CTNND2: variants seen among roughly 807,000 people sequenced by gnomAD.
CTNND2 encodes the protein catenin delta 2.
Under a neutral mutation model 144.4 loss-of-function variants are expected in CTNND2, and 22 were observed. That is an observed-to-expected ratio of 0.15 (90% CI 0.11 to 0.22). CTNND2 has a LOEUF of 0.22. CTNND2 is among the 10% of genes least tolerant of loss of function. The probability of loss-of-function intolerance (pLI) is 1.00; values close to 1 mark genes in which losing one functional copy is unlikely to be tolerated. For missense variants in CTNND2, 1,353 were observed against 1,618.8 expected (o/e 0.84, Z 2.82); for synonymous variants, 751 against 695.6 (o/e 1.08, Z -1.25).
chr5:11,389,960 T>TG (rs1217696902), intron 6 of CTNND2, among the ~76,000 whole-genome samples: 3 of 152,298 alleles, frequency 2.0e-5, no homozygotes, highest in Non-Finnish European at 2.9e-5. Context: ...GTCTTTAGAC[T>TG]GGGGGGGAGT....
intron 11 of CTNND2, among the ~76,000 whole-genome samples, chr5:11,187,815 A>T (rs992097340): frequency 1.3e-5 from 2 of 152,230 alleles, no homozygotes; most frequent in Non-Finnish European, 2.9e-5. Context: ...CACTTCTCAA[A>T]AGAAGACATT....
At position 11,395,213 on chromosome 5, in the gene CTNND2, T is replaced by C. The variant is rs1043062785; in HGVS notation, c.612+1818A>G. ...AAAATGCTGGCTTATTTGTTGAACG[T>C]TTCTCTGACATTACATTGAAGTCAC... On this transcript the variant is annotated intron_variant, in intron 6 of 21. Coordinates refer to ENST00000304623, the MANE Select transcript of CTNND2 (RefSeq NM_001332.4). 3.9e-5 allele frequency among the ~76,000 whole-genome samples: 6 copies of C among 152,346 alleles called. No homozygotes were observed. The East Asian group carries it at 1.2e-3, about 29-fold the overall frequency.
chr5:11,651,166 T>C (rs1305967170), intron 2 of CTNND2, among the ~76,000 whole-genome samples: 1 of 152,134 alleles, frequency 6.6e-6, no homozygotes, highest in African/African-American at 2.4e-5. Context: ...CTGTGCGACC[T>C]CAGGACACTG....
At chr5:11,000,469 C>T (rs1211365785) in intron 18 of CTNND2, among the ~76,000 whole-genome samples, 1 of 152,046 alleles carries the variant, frequency 6.6e-6, no homozygotes, top group East Asian at 1.9e-4. Context: ...TGCAGTGAGC[C>T]GAGATTGTGC....
chr5:11,631,097 T>G (rs1207084614), intron 2 of CTNND2, among the ~76,000 whole-genome samples: 1 of 152,212 alleles, frequency 6.6e-6, no homozygotes, highest in African/African-American at 2.4e-5. Context: ...CCTTAGGATT[T>G]TCCTTAGTGG....
chr5:11,384,759 G>A lies in CTNND2; in HGVS notation c.1083C>T (p.Pro361=). Residue 361 remains proline (P), a synonymous_variant, in exon 7 of 22, where the codon CCC becomes CCT. Coordinates refer to ENST00000304623, the MANE Select transcript of CTNND2 (RefSeq NM_001332.4). The surrounding 1 kb of genome is among the most constrained non-coding windows in gnomAD (Gnocchi z 5.2). ...CGGACGCGTGGACCAGGCGCTTGGT[G>A]GGCGACAGGGTGGCGTACGTGCCGA... ...STIGTYATLS[P]TKRLVHASEQ... The A allele has an allele frequency of 1.2e-6, 2 of 1,613,006 alleles. No individual in the cohort carries two copies. Among genetic ancestry groups the A allele is most frequent in the African/African-American group, 1.3e-5 (1 of 75,030 alleles).
At chr5:11,009,573 C>T (rs1740841889) in intron 18 of CTNND2, among the ~76,000 whole-genome samples, 4 of 152,214 alleles carry the variant, frequency 2.6e-5, no homozygotes, top group Admixed American at 2.0e-4. Flanking sequence ...TGTAGACTTA[C>T]ATTAAACTTA....
At chr5:11,684,397 C>T (rs1254106333) in intron 2 of CTNND2, among the ~76,000 whole-genome samples, 4 of 151,962 alleles carry the variant, frequency 2.6e-5, no homozygotes, top group African/African-American at 7.2e-5. Flanking sequence ...CCACCGCAGC[C>T]GGCCTACATG....
intron 15 of CTNND2, among the ~76,000 whole-genome samples, chr5:11,095,509 CAT>C (rs767105323): frequency 6.6e-6 from 1 of 152,190 alleles, no homozygotes; most frequent in Admixed American, 6.5e-5. Context: ...TCAAGGAAGA[CAT>C]ATAGACATGG....
At chr5:11,182,627 C>G (rs1308048809) in intron 11 of CTNND2, among the ~76,000 whole-genome samples, 2 of 152,140 alleles carry the variant, frequency 1.3e-5, no homozygotes, top group African/African-American at 4.8e-5. Context: ...AGCCATGTCC[C>G]CCAAGGATTG....
intron 3 of CTNND2, among the ~76,000 whole-genome samples, chr5:11,469,849 T>C (rs1767003642): frequency 6.6e-6 from 1 of 152,116 alleles, no homozygotes; most frequent in Non-Finnish European, 1.5e-5. Context: ...AGGGATTAAG[T>C]GCTATTAATT....
At chr5:11,188,722 A>T (rs1490920127) in intron 11 of CTNND2, among the ~76,000 whole-genome samples, 1 of 152,176 alleles carries the variant, frequency 6.6e-6, no homozygotes, top group Non-Finnish European at 1.5e-5. Context: ...CCCATAAGGA[A>T]GGGGGAGCTA....
Position 11,366,550 on chromosome 5 carries a change from C to T in CTNND2, c.1178-1660G>A, listed in dbSNP as rs535106083. Among the ~76,000 whole-genome samples the T allele has an allele frequency of 1.3e-4, 20 of 152,262 alleles. No homozygotes were observed. In the South Asian group the frequency reaches 4.2e-3, roughly 32 times the overall value. On this transcript the variant is annotated intron_variant, in intron 7 of 21. Coordinates refer to ENST00000304623, the MANE Select transcript of CTNND2 (RefSeq NM_001332.4). ...CATCTGATCTGTCAAATGCCAACATCACTCTGAATATTACCTCAAGCTTAA... is the reference window on the plus strand; with the variant it reads ...CATCTGATCTGTCAAATGCCAACATTACTCTGAATATTACCTCAAGCTTAA...
chr5:11,521,958 G>A (rs28451039), intron 3 of CTNND2, among the ~76,000 whole-genome samples: 1,609 of 152,148 alleles, frequency 0.011, 26 homozygotes, highest in African/African-American at 0.036. Flanking sequence ...GAAGATCATT[G>A]CTGCAACCTA....
intron 2 of CTNND2, among the ~76,000 whole-genome samples, chr5:11,708,722 T>C (rs1476734777): frequency 6.6e-6 from 1 of 152,156 alleles, no homozygotes; most frequent in African/African-American, 2.4e-5. Context: ...CCATGAGCTC[T>C]GTTGCAGTTC....
intron 1 of CTNND2, among the ~76,000 whole-genome samples, chr5:11,748,027 A>G: frequency 6.6e-6 from 1 of 152,148 alleles, no homozygotes; most frequent in South Asian, 2.1e-4. Context: ...CACTCTGCAA[A>G]CAGATATCTG....
chr5:11,553,403 A>G (rs1423970660), intron 3 of CTNND2, among the ~76,000 whole-genome samples: 2 of 152,226 alleles, frequency 1.3e-5, no homozygotes, highest in African/African-American at 4.8e-5. Flanking sequence ...TAGAAAAATT[A>G]GAAAAGAGAC....
At chr5:10,990,358 G>A (rs1429120251) in intron 19 of CTNND2, among the ~76,000 whole-genome samples, 1 of 152,216 alleles carries the variant, frequency 6.6e-6, no homozygotes, top group Non-Finnish European at 1.5e-5. Context: ...GAACAACTGA[G>A]TCCTTAGCAA....
intron 13 of CTNND2, among the ~76,000 whole-genome samples, chr5:11,111,341 G>C (rs915850992): frequency 2.0e-5 from 3 of 152,176 alleles, no homozygotes; most frequent in Admixed American, 2.0e-4. Flanking sequence ...ACAACCACGA[G>C]AGATCCCAAA....
Sources: gnomAD v4.1 joint callset for allele counts (sites outside exome capture counted in the v4.1 genomes callset) on GRCh38, gnomAD v4.1.1 for gene constraint, Gnocchi (gnomAD v3.1) non-coding constraint, MANE v1.5 for transcripts, NCBI Gene and HGNC (gene_info 2026-07-23, HGNC 2026-07-21) for gene names.